The following ATE1 variants were observed in gnomAD, a reference collection of about 807,000 sequenced individuals.
The protein encoded by ATE1 is arginyltransferase 1.
In ATE1, 36 loss-of-function variants were observed where a neutral mutation model predicts 70.5. The observed-to-expected ratio is 0.51, with a 90% CI of 0.39 to 0.67. The LOEUF (loss-of-function observed/expected upper bound fraction) is 0.67, where lower values mean the gene tolerates loss of function less well. ATE1 is among the 30% of genes least tolerant of loss of function. The probability of loss-of-function intolerance (pLI) is 0.00; values close to 1 mark genes in which losing one functional copy is unlikely to be tolerated. For missense variants in ATE1, 593 were observed against 629.5 expected (o/e 0.94, Z 0.62); for synonymous variants, 232 against 219.3 (o/e 1.06, Z -0.51).
chr10:121,925,950 A>G (rs12249694), intron 1 of ATE1, among the ~76,000 whole-genome samples: 20,224 of 151,868 alleles, frequency 0.13, 1,553 homozygotes, highest in East Asian at 0.18. Flanking sequence ...TCATGCCTAT[A>G]ATCCCAGCAC....
At chr10:121,840,707 G>A (rs1183219760) in intron 9 of ATE1, among the ~76,000 whole-genome samples, 1 of 151,162 alleles carries the variant, frequency 6.6e-6, no homozygotes, top group Non-Finnish European at 1.5e-5. Flanking sequence ...AAGTACTAGA[G>A]ATTATAGATT....
intron 5 of ATE1, among the ~76,000 whole-genome samples, chr10:121,905,832 C>A (rs908907991): frequency 2.1e-5 from 3 of 142,626 alleles, no homozygotes; most frequent in Non-Finnish European, 4.6e-5. Context: ...AGCAACACAG[C>A]GAGACTCTGT....
At chr10:121,913,736 TG>T in intron 4 of ATE1, 53 bp downstream of exon 4, 2 of 1,246,208 alleles carry the variant, frequency 1.6e-6, no homozygotes, top group Non-Finnish European at 2.3e-6. Flanking sequence ...TGACTGAAAG[TG>T]GGACCGTTGC....
At chr10:121,848,309 T>C (rs938525234) in intron 8 of ATE1, among the ~76,000 whole-genome samples, 26 of 151,496 alleles carry the variant, frequency 1.7e-4, no homozygotes, top group African/African-American at 5.4e-4. Context: ...CATTCATTCA[T>C]TCATTCATTA....
chr10:121,766,861 C>G (rs1034744915), intron 11 of ATE1, among the ~76,000 whole-genome samples: 1 of 152,140 alleles, frequency 6.6e-6, no homozygotes, highest in Non-Finnish European at 1.5e-5. Context: ...CGTTCATGCT[C>G]CAGAAGGGCC....
intron 4 of ATE1, among the ~76,000 whole-genome samples, chr10:121,911,535 G>A (rs1951432242): frequency 6.6e-6 from 1 of 151,564 alleles, no homozygotes; most frequent in Non-Finnish European, 1.5e-5. Flanking sequence ...CCTGCCAACA[G>A]AACATAACAC....
At chr10:121,892,532 C>T (rs1482444159) in intron 7 of ATE1, among the ~76,000 whole-genome samples, 1 of 149,292 alleles carries the variant, frequency 6.7e-6, no homozygotes, top group Non-Finnish European at 1.5e-5. Context: ...CACAGTCTCC[C>T]TCTTGTCGCC....
chr10:121,882,935 C>T (rs969545235), intron 7 of ATE1, among the ~76,000 whole-genome samples: 3 of 152,160 alleles, frequency 2.0e-5, no homozygotes, highest in Admixed American at 6.5e-5. Context: ...GGTCAATTAT[C>T]AAGCTACTCC....
chr10:121,924,568 CGG>C (rs1952011485), intron 1 of ATE1, among the ~76,000 whole-genome samples: 1 of 151,558 alleles, frequency 6.6e-6, no homozygotes, highest in Non-Finnish European at 1.5e-5. Context: ...GGCATAGTGG[CGG>C]GCGCCTGTAA....
At chr10:121,828,526 C>T (rs1948113399) in intron 10 of ATE1, among the ~76,000 whole-genome samples, 1 of 152,132 alleles carries the variant, frequency 6.6e-6, no homozygotes, top group Non-Finnish European at 1.5e-5. Flanking sequence ...ACTATGATGG[C>T]TAGCTCCAAA....
intron 10 of ATE1, among the ~76,000 whole-genome samples, chr10:121,832,815 T>C (rs1948295989): frequency 6.6e-6 from 1 of 152,230 alleles, no homozygotes. Flanking sequence ...TCCGCAATTC[T>C]GGGAACTTTC....
chr10:121,862,842 T>C (rs1949523930), intron 8 of ATE1, among the ~76,000 whole-genome samples: 1 of 152,146 alleles, frequency 6.6e-6, no homozygotes, highest in South Asian at 2.1e-4. Flanking sequence ...CTCCTACCAG[T>C]GCCATGACAG....
At chr10:121,900,111 C>A in intron 6 of ATE1, 117 bp from the exon 7 acceptor site, 1 of 1,133,150 alleles carries the variant, frequency 8.8e-7, no homozygotes, top group Non-Finnish European at 1.2e-6. Flanking sequence ...ATTAAAGCAC[C>A]TAAATATTTT....
At chr10:121,917,306 T>A (rs1001953703) in intron 3 of ATE1, among the ~76,000 whole-genome samples, 4 of 152,160 alleles carry the variant, frequency 2.6e-5, no homozygotes, top group African/African-American at 9.7e-5. Context: ...TTAAATATAC[T>A]AAGAAAAAAC....
At chr10:121,820,260 T>C (rs1947740948) in intron 10 of ATE1, among the ~76,000 whole-genome samples, 1 of 152,170 alleles carries the variant, frequency 6.6e-6, no homozygotes, top group South Asian at 2.1e-4. Flanking sequence ...TCCTAATCAA[T>C]GAATTTAGAT....
intron 7 of ATE1, among the ~76,000 whole-genome samples, chr10:121,885,576 A>AAC (rs1950366805): frequency 6.6e-6 from 1 of 150,870 alleles, no homozygotes; most frequent in Non-Finnish European, 1.5e-5. Context: ...TCAAAAAAAA[A>AAC]AAAAAAAAAA....
intron 8 of ATE1, among the ~76,000 whole-genome samples, chr10:121,852,879 G>A (rs947783855): frequency 1.3e-5 from 2 of 152,022 alleles, no homozygotes; most frequent in Admixed American, 6.6e-5. Context: ...CTGTTAAAAT[G>A]GCACATAGTT....
intron 7 of ATE1, among the ~76,000 whole-genome samples, chr10:121,897,683 G>A (rs777438109): frequency 1.3e-5 from 2 of 152,090 alleles, no homozygotes; most frequent in African/African-American, 2.4e-5. Flanking sequence ...AAAATTAGAC[G>A]GCTGTGGTGG....
Position 121,740,921 on chromosome 10 carries a change from T to C in ATE1, c.*2759A>G, listed in dbSNP as rs1345026788. ...TATCTTTTAGAATACAAAAAAGTGC[T>C]CAGATTACATTTAAAAAAATAACAA... On this transcript the variant is annotated 3_prime_UTR_variant, in exon 12 of 12. Transcript: ENST00000224652. 1 of 152,200 alleles carries C rather than the reference T, an allele frequency of 6.6e-6. No homozygotes were observed. Among genetic ancestry groups the C allele is most frequent in the Non-Finnish European group, 1.5e-5 (1 of 68,028 alleles). The allele number at this position is 152,200 out of a possible 1,614,324, so 9.4% of individuals were successfully genotyped here.
Sources: gnomAD v4.1 joint callset for allele counts (sites outside exome capture counted in the v4.1 genomes callset) on GRCh38, gnomAD v4.1.1 for gene constraint, MANE v1.5 for transcripts, NCBI Gene and HGNC (gene_info 2026-07-23, HGNC 2026-07-21) for gene names.